The following HDX variants were observed in gnomAD, a reference collection of about 807,000 sequenced individuals.
The protein encoded by HDX is chromosome X open reading frame 43.
Under a neutral mutation model 45.2 loss-of-function variants are expected in HDX, and 19 were observed. That is an observed-to-expected ratio of 0.42 (90% CI 0.29 to 0.62). HDX has a LOEUF of 0.62. Among genes scored for constraint, HDX ranks in the 20% least tolerant of loss-of-function variants. The pLI is 0.20. For synonymous variants in HDX, 188 were observed against 172.8 expected (o/e 1.09, Z -0.69); for missense variants, 532 against 493.9 (o/e 1.08, Z -0.73).
rs58864600 is a variant in HDX, at chrX:84,349,403, A to ATGTG, written c.1453-4950_1453-4947dup. ...ACTTATTTAAAAATTATATATATATATGTGTGTGTGTGTGTGTGTGTGTGT... is the reference window on the plus strand; with the variant it reads ...ACTTATTTAAAAATTATATATATATATGTGTGTGTGTGTGTGTGTGTGTGTGTGT... On this transcript the variant is annotated intron_variant, in intron 6 of 10. Transcript: ENST00000373177. Among the ~76,000 whole-genome samples the ATGTG allele has an allele frequency of 6.7e-3, 459 of 68,471 alleles. 3 individuals are homozygous for ATGTG. Among genetic ancestry groups the ATGTG allele is most frequent in the African/African-American group, 0.015 (256 of 16,557 alleles). The allele number at this position is 68,471 out of a possible 115,157, so 59.5% of individuals were successfully genotyped here. A position where few individuals can be genotyped will look rare whatever the true frequency, so the allele number is the denominator to read the frequency against.
intron 5 of HDX, among the ~76,000 whole-genome samples, chrX:84,396,243 G>T (rs1377626638): frequency 1.8e-5 from 2 of 112,289 alleles, no homozygotes; most frequent in African/African-American, 6.5e-5. Flanking sequence ...TACATCTATG[G>T]TGTTGGTTGG....
intron 7 of HDX, among the ~76,000 whole-genome samples, chrX:84,338,531 G>T (rs2037016566): frequency 9.1e-6 from 1 of 110,092 alleles, no homozygotes; most frequent in Admixed American, 9.7e-5. Context: ...TCCTCATGTT[G>T]CATATTAGAT....
chrX:84,324,116 T>TAAC (rs911268074), intron 10 of HDX, among the ~76,000 whole-genome samples: 5 of 111,724 alleles, frequency 4.5e-5, no homozygotes, highest in African/African-American at 6.5e-5. Context: ...TTGATTTAAA[T>TAAC]AACAACAACA....
At chrX:84,363,657 C>CTTT (rs2037673033) in intron 5 of HDX, among the ~76,000 whole-genome samples, 1 of 111,514 alleles carries the variant, frequency 9.0e-6, no homozygotes, top group Admixed American at 9.6e-5. Context: ...TTCCTAAGAG[C>CTTT]ATATTTTTAC....
intron 5 of HDX, among the ~76,000 whole-genome samples, chrX:84,386,201 G>A (rs1261958469): frequency 9.0e-6 from 1 of 111,403 alleles, no homozygotes; most frequent in Non-Finnish European, 1.9e-5. Context: ...CAGGAATGAA[G>A]CCTACTTGTA....
chrX:84,466,989 A>C lies in HDX; in HGVS notation c.1251+1483T>G, dbSNP rs758824903. Among the ~76,000 whole-genome samples the C allele has an allele frequency of 5.4e-5, 6 of 111,563 alleles. No homozygotes were observed. In the South Asian group the frequency reaches 2.3e-3, roughly 42 times the overall value. ...TGTTACTACTATTATTAAGAACAAC[A>C]CTGAAGGGGTAAAGAAGTACAAAAG... On this transcript the variant is annotated intron_variant, in intron 4 of 10. Coordinates refer to ENST00000373177, the MANE Select transcript of HDX (RefSeq NM_001177479.2).
intron 5 of HDX, among the ~76,000 whole-genome samples, chrX:84,367,665 G>A (rs1243921259): frequency 1.8e-5 from 2 of 112,193 alleles, no homozygotes; most frequent in African/African-American, 3.2e-5. Context: ...GGAATACAAG[G>A]CAGCCATAAA....
At chrX:84,348,753 G>C (rs913366220) in intron 6 of HDX, among the ~76,000 whole-genome samples, 1 of 110,990 alleles carries the variant, frequency 9.0e-6, no homozygotes, top group African/African-American at 3.3e-5. Flanking sequence ...TCTACCTTAG[G>C]TGGGACAAGA....
At chrX:84,327,664 T>G (rs2147758852) in intron 9 of HDX, among the ~76,000 whole-genome samples, 1 of 111,459 alleles carries the variant, frequency 9.0e-6, no homozygotes, top group Admixed American at 9.5e-5. Context: ...GACCTAAAAC[T>G]AAAATGCATA....
At chrX:84,374,297 G>A (rs1323240769) in intron 5 of HDX, among the ~76,000 whole-genome samples, 3 of 109,386 alleles carry the variant, frequency 2.7e-5, no homozygotes, top group Non-Finnish European at 5.7e-5. Context: ...ATGCTCATGG[G>A]TAGGAAGAAT....
rs761969733 is a variant in HDX at position 84,490,315 on chromosome X, AT to A, written c.-109-2184del. ...GAGCTTAATTTGCTCTTCTACTAGT[AT>A]TTTGTTAAAGTGACCCTCAAGTAAT... On this transcript the variant is annotated intron_variant, in intron 1 of 10. Coordinates refer to ENST00000373177, the MANE Select transcript of HDX (RefSeq NM_001177479.2). Among the ~76,000 whole-genome samples the A allele has an allele frequency of 9.9e-5, 11 of 111,354 alleles. No homozygotes were observed. In the East Asian group the frequency reaches 2.2e-3, roughly 23 times the overall value.
chrX:84,387,820 G>T (rs1412057537), intron 5 of HDX, among the ~76,000 whole-genome samples: 4 of 111,507 alleles, frequency 3.6e-5, no homozygotes, highest in African/African-American at 1.3e-4. Flanking sequence ...TTTACATTCA[G>T]GGTTGATATT....
intron 2 of HDX, among the ~76,000 whole-genome samples, chrX:84,486,807 T>C (rs777369805): frequency 3.6e-5 from 4 of 111,246 alleles, no homozygotes; most frequent in South Asian, 7.5e-4. Context: ...TTATTAAGTG[T>C]CTAGGCATAA....
At chrX:84,380,250 A>AC (rs397772625) in intron 5 of HDX, among the ~76,000 whole-genome samples, 3 of 109,766 alleles carry the variant, frequency 2.7e-5, no homozygotes, top group Non-Finnish European at 5.7e-5. Context: ...AAAAAAAAAA[A>AC]CCAGGACCCA....
intron 1 of HDX, among the ~76,000 whole-genome samples, chrX:84,488,426 G>A (rs186982961): frequency 2.7e-4 from 30 of 109,103 alleles, no homozygotes; most frequent in African/African-American, 1.0e-3. Context: ...CTACACTTTT[G>A]AATAAATTAA....
chrX:84,420,162 G>C (rs972029684), intron 5 of HDX, among the ~76,000 whole-genome samples: 5 of 111,416 alleles, frequency 4.5e-5, no homozygotes, highest in Admixed American at 3.8e-4. Context: ...AATGCACCAG[G>C]GACCAATCCT....
At chrX:84,358,779 C>T (rs755653127) in intron 6 of HDX, among the ~76,000 whole-genome samples, 2 of 112,005 alleles carry the variant, frequency 1.8e-5, no homozygotes, top group East Asian at 5.6e-4. Flanking sequence ...CCTGGCTGCA[C>T]TTGAACTCTT....
chrX:84,430,570 C>T (rs1368760398), intron 5 of HDX, among the ~76,000 whole-genome samples: 1 of 110,475 alleles, frequency 9.1e-6, no homozygotes, highest in East Asian at 2.8e-4. Flanking sequence ...AGTAGTTTTA[C>T]TCATATTTCT....
rs186169196 is a variant in HDX, at chrX:84,473,332, C to T, written c.147+1919G>A. On this transcript the variant is annotated intron_variant, in intron 3 of 10. Transcript: ENST00000373177. ...GAGCTCTTTCAAGTAGAACATATAA[C>T]TCTAGCAAAGTATCTGGGGAGGGGG... Among the ~76,000 whole-genome samples the T allele has an allele frequency of 3.0e-4, 23 of 77,549 alleles. 1 individual carries two copies. The East Asian group carries it at 7.1e-3, about 24-fold the overall frequency. The allele number at this position is 77,549 out of a possible 115,157, so 67.3% of individuals were successfully genotyped here.
Sources: gnomAD v4.1 joint callset for allele counts (sites outside exome capture counted in the v4.1 genomes callset) on GRCh38, gnomAD v4.1.1 for gene constraint, MANE v1.5 for transcripts, NCBI Gene and HGNC (gene_info 2026-07-23, HGNC 2026-07-21) for gene names.